Variants in ZBTB16 observed in about 807,000 individuals in gnomAD.
ZBTB16 encodes the protein zinc finger and BTB domain-containing protein 16.
Under a neutral mutation model 56.8 loss-of-function variants are expected in ZBTB16, and 8 were observed. The ratio of observed to expected loss-of-function variants is 0.14; its 90% CI spans 0.08 to 0.25. ZBTB16 has a LOEUF of 0.25. ZBTB16 is among the 10% of genes least tolerant of loss of function. The pLI, the probability that ZBTB16 is intolerant of heterozygous loss-of-function variation, is 1.00. For synonymous variants in ZBTB16, 363 were observed against 368.5 expected (o/e 0.98, Z 0.17); for missense variants, 625 against 903.0 (o/e 0.69, Z 3.95).
intron 2 of ZBTB16, chr11:114,121,749 G>A (rs1481081231): frequency 1.5e-5 from 7 of 452,480 alleles, no homozygotes; most frequent in Admixed American, 4.8e-5. Flanking sequence ...TCCTTGCCCA[G>A]TATATTATAC....
At chr11:114,116,643 T>A (rs529558056) in intron 2 of ZBTB16, among the ~76,000 whole-genome samples, 1 of 152,270 alleles carries the variant, frequency 6.6e-6, no homozygotes, top group African/African-American at 2.4e-5. Context: ...TTGGCTCTGT[T>A]GGAGAAGTAA....
chr11:114,065,126 C>T (rs1420104306), intron 2 of ZBTB16, among the ~76,000 whole-genome samples: 1 of 152,120 alleles, frequency 6.6e-6, no homozygotes, highest in Non-Finnish European at 1.5e-5. Context: ...GCTCTGTCTC[C>T]CTTCTCATTC....
intron 4 of ZBTB16, among the ~76,000 whole-genome samples, chr11:114,198,609 G>T (rs903593123): frequency 6.6e-6 from 1 of 152,052 alleles, no homozygotes; most frequent in Non-Finnish European, 1.5e-5. Context: ...GCAGCTTTAG[G>T]TTATAGCAAA....
chr11:114,156,573 TC>T (rs1942417994), intron 3 of ZBTB16, 139 bp downstream of exon 3: 17 of 802,640 alleles, frequency 2.1e-5, no homozygotes, highest in Middle Eastern at 2.4e-4. Context: ...CCCTGGACCC[TC>T]CCTCCAGGCT....
chr11:114,174,054 T>C (rs1198805054), intron 3 of ZBTB16, among the ~76,000 whole-genome samples: 1 of 152,196 alleles, frequency 6.6e-6, no homozygotes, highest in Non-Finnish European at 1.5e-5. Context: ...CTCTCTATAA[T>C]AGCTTTAAGT....
At chr11:114,146,862 A>C (rs1397237543) in intron 2 of ZBTB16, among the ~76,000 whole-genome samples, 1 of 151,952 alleles carries the variant, frequency 6.6e-6, no homozygotes, top group Admixed American at 6.5e-5. Context: ...AAAAAAAAAA[A>C]AAAACCAAAA....
At chr11:114,192,361 C>T (rs532945467) in intron 4 of ZBTB16, among the ~76,000 whole-genome samples, 5 of 152,154 alleles carry the variant, frequency 3.3e-5, no homozygotes, top group African/African-American at 9.6e-5. Context: ...AGATAGAAGG[C>T]GGTGGAAGGC....
At chr11:114,166,896 A>G (rs1327789481) in intron 3 of ZBTB16, among the ~76,000 whole-genome samples, 1 of 152,100 alleles carries the variant, frequency 6.6e-6, no homozygotes, top group Non-Finnish European at 1.5e-5. Context: ...TTGACTTTGG[A>G]GGGGGCAGAA....
intron 2 of ZBTB16, among the ~76,000 whole-genome samples, chr11:114,068,596 G>A (rs2137666252): frequency 6.6e-6 from 1 of 152,382 alleles, no homozygotes; most frequent in African/African-American, 2.4e-5. Flanking sequence ...AGTCAGAACA[G>A]TGGGAAGATC....
Position 114,208,137 on chromosome 11 carries a change from G to T in ZBTB16, c.1453+21099G>T, listed in dbSNP as rs139577283. Among the ~76,000 whole-genome samples, 17 of 152,288 alleles carry T rather than the reference G, an allele frequency of 1.1e-4. No individual in the cohort carries two copies. The East Asian group carries it at 3.3e-3, about 29-fold the overall frequency. On this transcript the variant is annotated intron_variant, in intron 4 of 6. Transcript: ENST00000335953. ...CAGTTGACCCTCCTTCTGGTCTCCA[G>T]CACCATAGATGTACACCACTTGCCC...
intron 2 of ZBTB16, among the ~76,000 whole-genome samples, chr11:114,106,456 A>G (rs1332802940): frequency 1.3e-5 from 2 of 151,222 alleles, no homozygotes; most frequent in Non-Finnish European, 2.9e-5. Context: ...ACATTGGTCT[A>G]TGATTTCACG....
At chr11:114,238,004 C>T (rs1239889802) in intron 4 of ZBTB16, among the ~76,000 whole-genome samples, 1 of 152,172 alleles carries the variant, frequency 6.6e-6, no homozygotes, top group Admixed American at 6.5e-5. Context: ...GGAGAGAGAC[C>T]ACTGTAGGGA....
At chr11:114,175,427 C>CT (rs1565668425) in intron 3 of ZBTB16, among the ~76,000 whole-genome samples, 3 of 152,218 alleles carry the variant, frequency 2.0e-5, no homozygotes, top group East Asian at 3.9e-4. Flanking sequence ...CCCAACAACT[C>CT]TAAGATTACC....
chr11:114,248,426 A>C (rs1591815035), intron 6 of ZBTB16, among the ~76,000 whole-genome samples: 1 of 152,376 alleles, frequency 6.6e-6, no homozygotes, highest in Non-Finnish European at 1.5e-5. Flanking sequence ...CATAGCAATC[A>C]GCAGATGCTA....
intron 3 of ZBTB16, among the ~76,000 whole-genome samples, chr11:114,185,529 G>A (rs984703087): frequency 2.6e-5 from 4 of 152,222 alleles, no homozygotes; most frequent in Admixed American, 1.3e-4. Context: ...ATTGGGAGGC[G>A]TTGTATCTTC....
chr11:114,135,828 G>A (rs1482000855), intron 2 of ZBTB16, among the ~76,000 whole-genome samples: 1 of 152,136 alleles, frequency 6.6e-6, no homozygotes, highest in Non-Finnish European at 1.5e-5. Flanking sequence ...TACTGTTCTC[G>A]GGTGCTCTTG....
At chr11:114,220,724 G>A (rs867212246) in intron 4 of ZBTB16, among the ~76,000 whole-genome samples, 41 of 152,134 alleles carry the variant, frequency 2.7e-4, no homozygotes, top group African/African-American at 7.2e-4. Context: ...CACGGCCCCC[G>A]TTAATTAAGT....
intron 4 of ZBTB16, among the ~76,000 whole-genome samples, chr11:114,223,592 A>C (rs574473283): frequency 6.6e-6 from 1 of 152,226 alleles, no homozygotes; most frequent in Non-Finnish European, 1.5e-5. Context: ...TTGAACACCC[A>C]TTCTTACTTA....
Position 114,250,525 on chromosome 11 carries a change from G to A in ZBTB16, c.1992G>A (p.Glu664=). The change falls in exon 7 of 7, where the codon GAG becomes GAA. Residue 664 remains glutamate (E), a synonymous_variant. Transcript: ENST00000335953. The surrounding 1 kb of genome is among the most constrained non-coding windows in gnomAD (Gnocchi z 6.0). ...AGATCCCGCCCGACTGGAGGATAGA[G>A]AAGACGTACCTCTACCTGTGCTATG... ...PEEIPPDWRI[E]KTYLYLCYV is the part of the protein sequence containing the mutation. 6.2e-7 allele frequency: 1 copy of A among 1,614,158 alleles called. No individual in the cohort carries two copies. The highest frequency in any genetic ancestry group is 8.5e-7 in the Non-Finnish European group (1 of 1,180,030).
Sources: allele counts gnomAD v4.1 joint callset (sites outside exome capture counted in the v4.1 genomes callset), GRCh38; gene constraint gnomAD v4.1.1; non-coding constraint Gnocchi (gnomAD v3.1); transcripts MANE v1.5; gene names NCBI Gene and HGNC (gene_info 2026-07-23, HGNC 2026-07-21).